The following HPSE2 variants were observed in gnomAD, a reference collection of about 807,000 sequenced individuals.
HPSE2 encodes the protein heparanase 2 (inactive).
In HPSE2, 38 loss-of-function variants were observed where a neutral mutation model predicts 60.5. The observed-to-expected ratio is 0.63, with a 90% CI of 0.48 to 0.82. HPSE2 has a LOEUF of 0.82. HPSE2 is among the 40% of genes least tolerant of loss of function. HPSE2 has a pLI of 0.00. For missense variants in HPSE2, 713 were observed against 740.4 expected, an observed-to-expected ratio of 0.96 and a Z score of 0.43; for synonymous variants, 295 against 293.2, an observed-to-expected ratio of 1.01 and a Z score of -0.06.
the HPSE2 span, among the ~76,000 whole-genome samples, chr10:99,303,653 G>T: frequency 1.6e-4 from 24 of 152,274 alleles, no homozygotes; most frequent in African/African-American, 5.5e-4. Flanking sequence ...TGAGTCGCAG[G>T]CACAAAAGGA....
chr10:99,028,402 C>T (rs954419631), intron 3 of HPSE2, among the ~76,000 whole-genome samples: 1 of 151,644 alleles, frequency 6.6e-6, no homozygotes, highest in African/African-American at 2.4e-5. Flanking sequence ...ACAATAGCCA[C>T]AAATAAATAC....
In HPSE2 at chr10:98,500,781, GA is replaced by G. The variant is rs1454136403; in HGVS notation, c.1321-10586del. On this transcript the variant is annotated intron_variant, in intron 9 of 11. Transcript: ENST00000370552. Reference sequence around the variant, plus strand: ...AATAAAATTGATAGACCATTAGCAAGAATAACCAAGAAAAGAAGAAAAGAAG... The same window carrying G: ...AATAAAATTGATAGACCATTAGCAAGATAACCAAGAAAAGAAGAAAAGAAG... Among the ~76,000 whole-genome samples, 16 of 152,018 alleles carry G rather than the reference GA, an allele frequency of 1.1e-4. No homozygotes were observed. In the South Asian group the frequency reaches 1.2e-3, roughly 12 times the overall value.
At chr10:99,199,850 T>C (rs1848517956) in intron 2 of HPSE2, among the ~76,000 whole-genome samples, 1 of 152,164 alleles carries the variant, frequency 6.6e-6, no homozygotes, top group South Asian at 2.1e-4. Flanking sequence ...AGGGATTGCA[T>C]TGAATCTGTA....
At chr10:99,101,785 T>G (rs942362532) in intron 3 of HPSE2, among the ~76,000 whole-genome samples, 3 of 152,322 alleles carry the variant, frequency 2.0e-5, no homozygotes, top group African/African-American at 7.2e-5. Context: ...ACAAACTCTC[T>G]CTCAGACCAC....
chr10:99,227,088 C>T (rs1244269105), intron 2 of HPSE2, among the ~76,000 whole-genome samples: 1 of 151,974 alleles, frequency 6.6e-6, no homozygotes, highest in Non-Finnish European at 1.5e-5. Context: ...TTGTGCTGTT[C>T]TTACACCATA....
chr10:99,115,209 G>A (rs750514751), intron 3 of HPSE2, among the ~76,000 whole-genome samples: 1 of 149,322 alleles, frequency 6.7e-6, no homozygotes, highest in Non-Finnish European at 1.5e-5. Flanking sequence ...CTGGAGTGCA[G>A]TGGCGCCATC....
intron 9 of HPSE2, among the ~76,000 whole-genome samples, chr10:98,584,234 A>G (rs549678043): frequency 1.3e-5 from 2 of 152,340 alleles, no homozygotes; most frequent in East Asian, 3.9e-4. Context: ...CATAAAACAT[A>G]CATTAACTCC....
chr10:99,012,557 T>A (rs781680239), intron 3 of HPSE2, among the ~76,000 whole-genome samples: 36 of 152,186 alleles, frequency 2.4e-4, no homozygotes, highest in Non-Finnish European at 1.0e-4. Flanking sequence ...TGGTTATACC[T>A]AAGGATATTA....
the HPSE2 span, among the ~76,000 whole-genome samples, chr10:99,313,974 C>T: frequency 6.6e-6 from 1 of 152,024 alleles, no homozygotes; most frequent in Non-Finnish European, 1.5e-5. Context: ...ACAGAGAAAT[C>T]TTTTAAGTGA....
chr10:98,832,870 C>T (rs1292651075), intron 3 of HPSE2, among the ~76,000 whole-genome samples: 3 of 152,162 alleles, frequency 2.0e-5, no homozygotes, highest in Admixed American at 1.3e-4. Context: ...AAGAGGGATA[C>T]AGGCAGCAAG....
At chr10:98,583,334 C>T (rs568348172) in intron 9 of HPSE2, among the ~76,000 whole-genome samples, 18 of 152,298 alleles carry the variant, frequency 1.2e-4, no homozygotes, top group South Asian at 6.2e-4. Context: ...GCCGCTTGCT[C>T]GAGCTAACTC....
intron 9 of HPSE2, among the ~76,000 whole-genome samples, chr10:98,555,367 C>T (rs1157683588): frequency 6.6e-6 from 1 of 152,174 alleles, no homozygotes; most frequent in African/African-American, 2.4e-5. Context: ...CTGCAGCCTC[C>T]GCTTTCCTGC....
chr10:99,000,485 A>G (rs1161971754), intron 3 of HPSE2, among the ~76,000 whole-genome samples: 1 of 152,122 alleles, frequency 6.6e-6, no homozygotes, highest in Non-Finnish European at 1.5e-5. Context: ...GACAAGAGAT[A>G]ATGGCTAAGA....
chr10:99,124,879 G>A lies in HPSE2; in HGVS notation c.610+19359C>T, dbSNP rs536231097. 2.6e-5 allele frequency among the ~76,000 whole-genome samples: 4 copies of A among 152,364 alleles called. No individual in the cohort carries two copies. The East Asian group carries it at 5.8e-4, about 22-fold the overall frequency. ...GTGGGGCTCCTGCCAGCTCCATGGA[G>A]TGTGCAGCCCTGGCTGTGCCTCCCA... On this transcript the variant is annotated intron_variant, in intron 3 of 11. Transcript: ENST00000370552.
chr10:99,300,421 G>A, the HPSE2 span, among the ~76,000 whole-genome samples: 1 of 152,166 alleles, frequency 6.6e-6, no homozygotes, highest in South Asian at 2.1e-4. Context: ...AGCCTACTCA[G>A]ATTTAACCCA....
At chr10:98,461,376 C>T (rs778928491) in intron 11 of HPSE2, among the ~76,000 whole-genome samples, 2 of 139,802 alleles carry the variant, frequency 1.4e-5, no homozygotes, top group East Asian at 2.2e-4. Context: ...ATATGGAGAG[C>T]GAGGCCTGCC....
chr10:99,081,705 C>T (rs1444999577), intron 3 of HPSE2, among the ~76,000 whole-genome samples: 1 of 151,810 alleles, frequency 6.6e-6, no homozygotes, highest in South Asian at 2.1e-4. Context: ...GGCGTGATCT[C>T]GGCTCACTGC....
intron 3 of HPSE2, among the ~76,000 whole-genome samples, chr10:98,876,109 T>C (rs537106902): frequency 6.6e-6 from 1 of 151,952 alleles, no homozygotes; most frequent in Non-Finnish European, 1.5e-5. Flanking sequence ...AAAAATAATA[T>C]AGTATGAAGC....
At chr10:98,938,017 C>A (rs1205998822) in intron 3 of HPSE2, among the ~76,000 whole-genome samples, 5 of 143,528 alleles carry the variant, frequency 3.5e-5, no homozygotes, top group Non-Finnish European at 6.0e-5. Context: ...AACAGACCTG[C>A]AGCTGAGGGT....
Sources: allele counts gnomAD v4.1 joint callset (sites outside exome capture counted in the v4.1 genomes callset), GRCh38; gene constraint gnomAD v4.1.1; transcripts MANE v1.5; gene names NCBI Gene and HGNC (gene_info 2026-07-23, HGNC 2026-07-21).